ACTR3C: variants seen among roughly 807,000 people sequenced by gnomAD.
The protein encoded by ACTR3C is actin-related protein 3C.
A neutral mutation model predicts 26.3 loss-of-function variants in ACTR3C; 18 were observed. The ratio of observed to expected loss-of-function variants is 0.68; its 90% CI spans 0.47 to 1.01. The LOEUF is 1.01. Ranked by LOEUF, ACTR3C falls within the 50% of genes least tolerant of loss-of-function variation. The pLI, the probability that ACTR3C is intolerant of heterozygous loss-of-function variation, is 0.00. For missense variants in ACTR3C, 184 were observed against 250.7 expected (o/e 0.73, Z 1.80); for synonymous variants, 55 against 94.5 (o/e 0.58, Z 2.42).
chr7:150,101,566 C>T, the ACTR3C span, among the ~76,000 whole-genome samples: 1 of 151,736 alleles, frequency 6.6e-6, no homozygotes, highest in East Asian at 1.9e-4. Flanking sequence ...GCCCAATGCT[C>T]CTCCCAGAGG....
chr7:150,152,264 T>C, the ACTR3C span, among the ~76,000 whole-genome samples: 5 of 152,094 alleles, frequency 3.3e-5, no homozygotes. Flanking sequence ...CAGTATGATA[T>C]TGGCTGTGGG....
At chr7:150,039,841 G>A in the ACTR3C span, among the ~76,000 whole-genome samples, 5 of 129,664 alleles carry the variant, frequency 3.9e-5, no homozygotes, top group Non-Finnish European at 5.3e-5. Context: ...CCCCAGCGAT[G>A]GGGGTCCTAA....
the ACTR3C span, among the ~76,000 whole-genome samples, chr7:150,115,475 C>A: frequency 6.6e-6 from 1 of 152,180 alleles, no homozygotes; most frequent in Non-Finnish European, 1.5e-5. Context: ...AGTGCTGTTG[C>A]TCTTAGGGGA....
the ACTR3C span, among the ~76,000 whole-genome samples, chr7:150,171,388 C>T: frequency 0.18 from 24,033 of 130,654 alleles, 4,093 homozygotes; most frequent in African/African-American, 0.42. Context: ...AAAGAAGAAA[C>T]AAAAAATGCA....
the ACTR3C span, among the ~76,000 whole-genome samples, chr7:150,038,792 G>C: frequency 7.4e-4 from 104 of 140,560 alleles, 1 homozygote; most frequent in Middle Eastern, 7.6e-3. Flanking sequence ...CTCAGTCCCC[G>C]CCTCGCGGGG....
chr7:150,196,237 T>C, the ACTR3C span, among the ~76,000 whole-genome samples: 2 of 152,250 alleles, frequency 1.3e-5, no homozygotes, highest in East Asian at 3.8e-4. Context: ...GGGGTTTCAA[T>C]AATGCCTATG....
intron 6 of ACTR3C, among the ~76,000 whole-genome samples, chr7:150,275,308 C>A (rs921401579): frequency 3.9e-5 from 6 of 152,182 alleles, no homozygotes; most frequent in African/African-American, 1.4e-4. Flanking sequence ...AGAAAGGGCT[C>A]ACAACATAAT....
At chr7:149,945,273 G>A in the ACTR3C span, among the ~76,000 whole-genome samples, 24 of 150,370 alleles carry the variant, frequency 1.6e-4, no homozygotes, top group South Asian at 1.9e-3. Flanking sequence ...TGGTCCCTGA[G>A]GGAGGGCAAG....
chr7:150,157,905 G>A, the ACTR3C span, among the ~76,000 whole-genome samples: 2 of 152,180 alleles, frequency 1.3e-5, no homozygotes, highest in African/African-American at 4.8e-5. Context: ...AGGCTAACAC[G>A]TGGTAGGGGT....
chr7:150,038,562 C>G, the ACTR3C span, among the ~76,000 whole-genome samples: 1 of 145,594 alleles, frequency 6.9e-6, no homozygotes, highest in South Asian at 2.1e-4. Flanking sequence ...AATTCTCTCA[C>G]CTGCCTTCTG....
chr7:150,198,402 C>T, the ACTR3C span, among the ~76,000 whole-genome samples: 3 of 146,502 alleles, frequency 2.0e-5, no homozygotes, highest in African/African-American at 7.9e-5. Context: ...AAGTGAGGAG[C>T]GCCTCTTCCC....
the ACTR3C span, among the ~76,000 whole-genome samples, chr7:150,192,298 CT>C: frequency 5.3e-5 from 8 of 149,560 alleles, no homozygotes; most frequent in South Asian, 2.1e-4. Flanking sequence ...CATTTTATTA[CT>C]TTTTTTTTTC....
the ACTR3C span, among the ~76,000 whole-genome samples, chr7:149,948,291 T>C: frequency 7.8e-6 from 1 of 127,546 alleles, no homozygotes; most frequent in Admixed American, 8.2e-5. Context: ...GTGACAGACG[T>C]GGCCATGCCA....
At chr7:150,085,972 TTTTC>T in the ACTR3C span, among the ~76,000 whole-genome samples, 1 of 151,710 alleles carries the variant, frequency 6.6e-6, no homozygotes, top group African/African-American at 2.4e-5. Flanking sequence ...TTTTTTTCTT[TTTTC>T]TTTCTTCTTT....
chr7:149,922,746 A>G, the ACTR3C span, among the ~76,000 whole-genome samples: 1 of 150,412 alleles, frequency 6.6e-6, no homozygotes, highest in Middle Eastern at 3.4e-3. Flanking sequence ...TGCCCAATAA[A>G]CTATTAAAGA....
the ACTR3C span, among the ~76,000 whole-genome samples, chr7:149,937,417 A>T: frequency 4.0e-5 from 6 of 151,534 alleles, no homozygotes; most frequent in Admixed American, 1.3e-4. Flanking sequence ...AAAAGCAGAC[A>T]AGATGAAAGA....
the ACTR3C span, among the ~76,000 whole-genome samples, chr7:150,134,205 ATT>A: frequency 1.2e-5 from 1 of 82,870 alleles, no homozygotes; most frequent in Non-Finnish European, 3.0e-5. Context: ...TTAAAGTATA[ATT>A]TTTTAAAAAA....
chr7:150,163,055 G>A, the ACTR3C span, among the ~76,000 whole-genome samples: 2 of 152,130 alleles, frequency 1.3e-5, no homozygotes, highest in East Asian at 3.9e-4. Context: ...TCGGGAGGCT[G>A]AGGCAGGAGA....
At chr7:149,948,581 C>T in the ACTR3C span, among the ~76,000 whole-genome samples, 1 of 151,502 alleles carries the variant, frequency 6.6e-6, no homozygotes, top group Admixed American at 6.5e-5. Flanking sequence ...CGTTGGCCAG[C>T]AAACATGTGC....
Sources: allele counts gnomAD v4.1 joint callset (sites outside exome capture counted in the v4.1 genomes callset), GRCh38; gene constraint gnomAD v4.1.1; transcripts MANE v1.5; gene names NCBI Gene and HGNC (gene_info 2026-07-23, HGNC 2026-07-21).